PUM2: variants seen among roughly 807,000 people sequenced by gnomAD.
The protein encoded by PUM2 is pumilio RNA binding family member 2.
In PUM2, 57 loss-of-function variants were observed where a neutral mutation model predicts 124.5. That is an observed-to-expected ratio of 0.46 (90% CI 0.37 to 0.57). The LOEUF (loss-of-function observed/expected upper bound fraction) is 0.57, where lower values mean the gene tolerates loss of function less well. Ranked by LOEUF, PUM2 falls within the 20% of genes least tolerant of loss-of-function variation. The pLI is 0.00. For missense variants in PUM2, 1,065 were observed against 1,290.6 expected, an observed-to-expected ratio of 0.83 and a Z score of 2.68; for synonymous variants, 460 against 446.1, an observed-to-expected ratio of 1.03 and a Z score of -0.39.
intron 17 of PUM2, among the ~76,000 whole-genome samples, 195 bp downstream of exon 17, chr2:20,255,838 G>A (rs926782193): frequency 2.6e-5 from 4 of 152,072 alleles, no homozygotes; most frequent in Non-Finnish European, 5.9e-5. Context: ...TAAACTATTT[G>A]TTTTGCAGCT....
At chr2:20,347,730 A>G (rs970760181) in intron 1 of PUM2, among the ~76,000 whole-genome samples, 1 of 152,212 alleles carries the variant, frequency 6.6e-6, no homozygotes, top group Non-Finnish European at 1.5e-5. Context: ...ATAAAACCAC[A>G]GTGGAGGCAT....
intron 16 of PUM2, among the ~76,000 whole-genome samples, chr2:20,256,703 G>C (rs1664853993): frequency 6.6e-6 from 1 of 152,092 alleles, no homozygotes. Context: ...TTCCCTAAGG[G>C]AAGAATTAAT....
chr2:20,328,680 A>C (rs551926572), intron 1 of PUM2, among the ~76,000 whole-genome samples: 89 of 152,344 alleles, frequency 5.8e-4, no homozygotes, highest in African/African-American at 2.0e-3. Context: ...ATATTTAAAA[A>C]TTACACTGGA....
chr2:20,314,118 C>A (rs535145639), intron 3 of PUM2, among the ~76,000 whole-genome samples: 1 of 152,088 alleles, frequency 6.6e-6, no homozygotes, highest in East Asian at 1.9e-4. Flanking sequence ...TGCACTCCAG[C>A]CTGGGTGACA....
intron 19 of PUM2, among the ~76,000 whole-genome samples, chr2:20,254,507 T>C (rs1664292874): frequency 6.6e-6 from 1 of 152,208 alleles, no homozygotes; most frequent in African/African-American, 2.4e-5. Flanking sequence ...CTACATCATT[T>C]TGACATCCAC....
chr2:20,262,817 C>G (rs1666624715), intron 14 of PUM2, among the ~76,000 whole-genome samples: 1 of 152,134 alleles, frequency 6.6e-6, no homozygotes, highest in Non-Finnish European at 1.5e-5. Flanking sequence ...CCAAGTCACA[C>G]TGAATACCAA....
intron 1 of PUM2, chr2:20,331,912 A>G (rs937271967): frequency 1.3e-5 from 2 of 152,228 alleles, no homozygotes; most frequent in African/African-American, 4.8e-5. Flanking sequence ...CAGCTACTCA[A>G]CTACGCCTCT....
chr2:20,329,545 G>C lies in PUM2; in HGVS notation c.-18-2167C>G, dbSNP rs574759937. Among the ~76,000 whole-genome samples, 150 of 152,112 alleles carry C rather than the reference G, an allele frequency of 9.9e-4. 3 individuals carry two copies. In the South Asian group the frequency reaches 0.03, roughly 31 times the overall value. ...GGGTATGTCTGAAGAACAAAGAGAA[G>C]GCTGGAAGTTATTAGAGAAACGTTA... On this transcript the variant is annotated intron_variant, in intron 1 of 20. Coordinates refer to ENST00000361078, the MANE Select transcript of PUM2 (RefSeq NM_015317.5).
chr2:20,260,244 T>C (rs1665849056), intron 15 of PUM2, 93 bp downstream of exon 15: 6 of 1,303,604 alleles, frequency 4.6e-6, no homozygotes, highest in Non-Finnish European at 6.2e-6. Flanking sequence ...TTTTTTTATA[T>C]GAAAATGACT....
intron 8 of PUM2, among the ~76,000 whole-genome samples, chr2:20,295,731 C>T (rs1675375911): frequency 3.9e-5 from 6 of 152,162 alleles, no homozygotes; most frequent in Admixed American, 3.9e-4. Context: ...CCTAGAAACT[C>T]ATCCAACCTA....
chr2:20,258,408 T>C, intron 15 of PUM2, 37 bp from the exon 16 acceptor site: 7 of 1,594,934 alleles, frequency 4.4e-6, no homozygotes, highest in Non-Finnish European at 6.0e-6. Flanking sequence ...ACAAGTGACC[T>C]TAATATTGCT....
chr2:20,352,048 C>G (rs1407225228), upstream of PUM2: 1 of 152,222 alleles, frequency 6.6e-6, no homozygotes, highest in Non-Finnish European at 1.5e-5. Context: ...CCCTACCCCC[C>G]ACTCTTGTAC....
At chr2:20,286,613 T>C (rs1441748647) in intron 10 of PUM2, among the ~76,000 whole-genome samples, 1 of 152,184 alleles carries the variant, frequency 6.6e-6, no homozygotes, top group Non-Finnish European at 1.5e-5. Context: ...TTCAAAGTAA[T>C]TTCCGGGATA....
At position 20,257,785 on chromosome 2, in the gene PUM2, T is replaced by C. The variant is rs139709166; in HGVS notation, c.2484+458A>G. ...TGTTCTTGTTTTTCTCAAAAAATTA[T>C]AAATTTTTAAAGAGGAATCTTGAGT... On this transcript the variant is annotated intron_variant, in intron 16 of 20. Coordinates refer to ENST00000361078, the MANE Select transcript of PUM2 (RefSeq NM_015317.5). Among the ~76,000 whole-genome samples the C allele has an allele frequency of 2.6e-5, 4 of 152,314 alleles. No homozygotes were observed. The East Asian group carries it at 7.7e-4, about 29-fold the overall frequency.
At chr2:20,253,683 A>G (rs985581673) in intron 20 of PUM2, 139 bp downstream of exon 20, 20 of 789,956 alleles carry the variant, frequency 2.5e-5, no homozygotes, top group Non-Finnish European at 3.6e-5. Context: ...CCATACCAAT[A>G]TATCTGCCAA....
At chr2:20,316,796 C>T (rs1681052037) in intron 3 of PUM2, among the ~76,000 whole-genome samples, 1 of 152,140 alleles carries the variant, frequency 6.6e-6, no homozygotes, top group African/African-American at 2.4e-5. Flanking sequence ...CTCTGGGTGG[C>T]TGAGGCAGGC....
intron 16 of PUM2, among the ~76,000 whole-genome samples, 195 bp downstream of exon 16, chr2:20,258,048 T>G (rs1665232978): frequency 6.6e-6 from 1 of 152,212 alleles, no homozygotes; most frequent in Non-Finnish European, 1.5e-5. Flanking sequence ...GGTGCTAAAA[T>G]ATCTTCATTT....
chr2:20,275,025 T>C (rs566946256), intron 13 of PUM2, among the ~76,000 whole-genome samples: 5 of 133,124 alleles, frequency 3.8e-5, no homozygotes, highest in Admixed American at 8.1e-5. Context: ...TGTAGGTAGA[T>C]TGCCCCCCTC....
chr2:20,330,634 T>C (rs1684716071), intron 1 of PUM2, among the ~76,000 whole-genome samples: 1 of 152,210 alleles, frequency 6.6e-6, no homozygotes, highest in South Asian at 2.1e-4. Flanking sequence ...CTGGCTATTC[T>C]CAACGGTATT....
Sources: allele counts gnomAD v4.1 joint callset (sites outside exome capture counted in the v4.1 genomes callset), GRCh38; gene constraint gnomAD v4.1.1; transcripts MANE v1.5; gene names NCBI Gene and HGNC (gene_info 2026-07-23, HGNC 2026-07-21).